AGTRAP: variants seen among roughly 807,000 people sequenced by gnomAD.
The protein encoded by AGTRAP is type-1 angiotensin II receptor-associated protein.
Under a neutral mutation model 15.2 loss-of-function variants are expected in AGTRAP, and 7 were observed. The observed-to-expected ratio is 0.46, with a 90% confidence interval of 0.26 to 0.87. The LOEUF (loss-of-function observed/expected upper bound fraction) is 0.87. Among genes scored for constraint, AGTRAP ranks in the 40% least tolerant of loss-of-function variants. AGTRAP has a pLI of 0.15. For synonymous variants in AGTRAP, 74 were observed against 89.6 expected, an observed-to-expected ratio of 0.83 and a Z score of 0.98; for missense variants, 187 against 213.4, an observed-to-expected ratio of 0.88 and a Z score of 0.77.
intron 1 of AGTRAP, among the ~76,000 whole-genome samples, chr1:11,737,602 G>A (rs1641930755): frequency 6.6e-6 from 1 of 152,192 alleles, no homozygotes; most frequent in African/African-American, 2.4e-5. Context: ...AGGTCCCACG[G>A]GGAGTAAGTG....
chr1:11,749,616 G>C (rs1214378030), intron 4 of AGTRAP, among the ~76,000 whole-genome samples: 1 of 152,216 alleles, frequency 6.6e-6, no homozygotes, highest in Non-Finnish European at 1.5e-5. Flanking sequence ...ATCTGGATAT[G>C]GTAATGTGGT....
rs184515360 is a variant in AGTRAP at position 11,746,651 on chromosome 1, G to A, written c.63-789G>A. On this transcript the variant is annotated intron_variant, in intron 2 of 4. Coordinates refer to ENST00000314340, the MANE Select transcript of AGTRAP (RefSeq NM_020350.5). ...GCTCAGCAACTGTGTGACCTTGGGC[G>A]AGTTACTTAACCTCATTGTGTCTCA... is the stretch of plus-strand genomic sequence containing the variant. 1.9e-3 allele frequency: 325 copies of A among 170,088 alleles called. 2 individuals are homozygous for A. The highest frequency in any genetic ancestry group is 7.5e-3 in the African/African-American group (314 of 42,032). 10.5% of individuals were successfully genotyped at this position (170,088 alleles called of 1,614,324 possible).
At position 11,736,251 on chromosome 1, in the gene AGTRAP, G is replaced by T. The variant is rs779981783; in HGVS notation, c.27+16G>T. The T allele has an allele frequency of 8.1e-5, 130 of 1,606,014 alleles. No individual in the cohort carries two copies. In the East Asian group the frequency reaches 2.9e-3, roughly 36 times the overall value. ...GAACCTGAAGGTGGCGACGGGCTGG[G>T]GGGAGGGTCCCCTTTGCGGGAGGAA... is the stretch of plus-strand genomic sequence containing the variant. On this transcript the variant is annotated intron_variant, in intron 1 of 4. Coordinates refer to ENST00000314340, the MANE Select transcript of AGTRAP (RefSeq NM_020350.5).
chr1:11,743,211 G>T (rs1240350748), intron 1 of AGTRAP, among the ~76,000 whole-genome samples: 1 of 151,682 alleles, frequency 6.6e-6, no homozygotes, highest in Admixed American at 6.6e-5. Flanking sequence ...AGCTCTTTCT[G>T]CAGCTGCCTG....
chr1:11,749,456 A>G (rs182430503), intron 4 of AGTRAP, among the ~76,000 whole-genome samples: 22 of 152,212 alleles, frequency 1.4e-4, no homozygotes, highest in Non-Finnish European at 2.6e-4. Context: ...TGTTTCTCCC[A>G]TTGGACAGAT....
intron 3 of AGTRAP, among the ~76,000 whole-genome samples, chr1:11,747,884 G>T (rs534910469): frequency 1.5e-3 from 225 of 152,310 alleles, no homozygotes; most frequent in African/African-American, 5.1e-3. Context: ...TCTCTTTTAG[G>T]GGAGGGGATA....
chr1:11,736,724 G>C (rs1212050404), intron 1 of AGTRAP, among the ~76,000 whole-genome samples: 1 of 152,258 alleles, frequency 6.6e-6, no homozygotes, highest in African/African-American at 2.4e-5. Flanking sequence ...GTTTTATAAA[G>C]TTTACACATC....
intron 1 of AGTRAP, among the ~76,000 whole-genome samples, chr1:11,743,623 A>G (rs1300240915): frequency 1.4e-5 from 2 of 144,728 alleles, no homozygotes; most frequent in African/African-American, 5.2e-5. Context: ...CTGGAGTACA[A>G]TGGCGCGATC....
At chr1:11,736,875 G>C (rs1419386434) in intron 1 of AGTRAP, among the ~76,000 whole-genome samples, 1 of 90,802 alleles carries the variant, frequency 1.1e-5, no homozygotes, top group Non-Finnish European at 2.7e-5. Flanking sequence ...AGCTCAGTCC[G>C]GGTCTGGGTG....
Position 11,747,555 on chromosome 1 carries a change from G to A in AGTRAP, c.168+10G>A. ...CGACGCCATAAGCATGGTGAGCCAG[G>A]GTGGGGGAGAGGCGGCAAGGCGGGG... On this transcript the variant is annotated intron_variant, in intron 3 of 4. Transcript: ENST00000314340. The A allele has an allele frequency of 6.2e-7, 1 of 1,613,346 alleles. No homozygotes were observed. Among genetic ancestry groups the A allele is most frequent in the South Asian group, 1.1e-5 (1 of 91,082 alleles).
At chr1:11,744,127 T>G (rs951195709) in intron 1 of AGTRAP, among the ~76,000 whole-genome samples, 3 of 151,948 alleles carry the variant, frequency 2.0e-5, no homozygotes, top group Admixed American at 2.0e-4. Flanking sequence ...AAACAAAAAT[T>G]AGCTGGGCGT....
chr1:11,738,821 G>A (rs868853733), intron 1 of AGTRAP, among the ~76,000 whole-genome samples: 31 of 152,250 alleles, frequency 2.0e-4, no homozygotes, highest in African/African-American at 7.2e-4. Context: ...CCTGGGCCCC[G>A]GCCACCCTGG....
Position 11,750,537 on chromosome 1 carries a change from C to G in AGTRAP, c.*345C>G, listed in dbSNP as rs1383417152. The G allele has an allele frequency of 1.8e-6, 1 of 541,594 alleles. No individual in the cohort carries two copies. The highest frequency in any genetic ancestry group is 3.3e-6 in the Non-Finnish European group (1 of 303,748). The allele number at this position is 541,594 out of a possible 1,614,324, so 33.5% of individuals were successfully genotyped here. On this transcript the variant is annotated 3_prime_UTR_variant, in exon 5 of 5. Transcript: ENST00000314340. Reference sequence around the variant, plus strand: ...GGCCTTTAAGGACTGCTGATGCCCCCTCAGGCCTCCCCCAAGTTTGCTGGG... The same window carrying G: ...GGCCTTTAAGGACTGCTGATGCCCCGTCAGGCCTCCCCCAAGTTTGCTGGG...
intron 1 of AGTRAP, among the ~76,000 whole-genome samples, chr1:11,743,749 A>G (rs1444549773): frequency 6.6e-6 from 1 of 151,790 alleles, no homozygotes; most frequent in African/African-American, 2.4e-5. Flanking sequence ...TATTTTTAGT[A>G]GAAACGGGGT....
Position 11,750,489 on chromosome 1 carries a change from C to A in AGTRAP, c.*297C>A. 3.4e-6 allele frequency: 2 copies of A among 589,124 alleles called. No individual in the cohort carries two copies. The highest frequency in any genetic ancestry group is 6.1e-6 in the Non-Finnish European group (2 of 330,510). 36.5% of individuals were successfully genotyped at this position (589,124 alleles called of 1,614,324 possible). A position where few individuals can be genotyped will look rare whatever the true frequency, so the allele number is the denominator to read the frequency against. On this transcript the variant is annotated 3_prime_UTR_variant, in exon 5 of 5. Coordinates refer to ENST00000314340, the MANE Select transcript of AGTRAP (RefSeq NM_020350.5). Reference sequence around the variant, plus strand: ...GCACCACAGAGGCCCTCAGCCGAGTCCTGCCTGAGTGTTGCAAGCTCAGGC... The same window carrying A: ...GCACCACAGAGGCCCTCAGCCGAGTACTGCCTGAGTGTTGCAAGCTCAGGC...
intron 1 of AGTRAP, among the ~76,000 whole-genome samples, chr1:11,743,428 TAG>T (rs17875930): frequency 0.11 from 16,295 of 151,846 alleles, 1,263 homozygotes; most frequent in Non-Finnish European, 0.15. Flanking sequence ...GTCTTTTTAG[TAG>T]AGACAGGGTT....
At position 11,739,111 on chromosome 1, in the gene AGTRAP, T is replaced by TCTTGAGTAGGTTTCTGTGTGAC. The variant is rs1481897517; in HGVS notation, c.27+2893_27+2914dup. Among the ~76,000 whole-genome samples, 24 of 152,270 alleles carry TCTTGAGTAGGTTTCTGTGTGAC rather than the reference T, an allele frequency of 1.6e-4. 1 individual carries two copies. The highest frequency in any genetic ancestry group is 5.5e-4 in the African/African-American group (23 of 41,534). ...GGGGCAGGCAGGTCTGCATTCAAGG[T>TCTTGAGTAGGTTTCTGTGTGAC]CTTGAGTAGGTTTCTGTGTGACCTT... On this transcript the variant is annotated intron_variant, in intron 1 of 4. Coordinates refer to ENST00000314340, the MANE Select transcript of AGTRAP (RefSeq NM_020350.5).
chr1:11,747,620 C>A, intron 3 of AGTRAP, 75 bp downstream of exon 3: 1 of 1,436,578 alleles, frequency 7.0e-7, no homozygotes, highest in African/African-American at 1.4e-5. Context: ...GCTCTGCTAC[C>A]CCGTCCCATC....
chr1:11,744,234 C>G (rs904747331), intron 1 of AGTRAP, among the ~76,000 whole-genome samples: 1 of 152,146 alleles, frequency 6.6e-6, no homozygotes, highest in Non-Finnish European at 1.5e-5. Flanking sequence ...GTGATGGCGC[C>G]ACTGAACTCC....
Sources: allele counts gnomAD v4.1 joint callset (sites outside exome capture counted in the v4.1 genomes callset), GRCh38; gene constraint gnomAD v4.1.1; transcripts MANE v1.5; gene names NCBI Gene and HGNC (gene_info 2026-07-23, HGNC 2026-07-21).